The following MEGF11 variants were observed in gnomAD, a reference collection of about 807,000 sequenced individuals.
MEGF11 encodes the protein multiple EGF like domains 11, also known as multiple epidermal growth factor-like domains protein 11.
In MEGF11, 126 loss-of-function variants were observed where a neutral mutation model predicts 146.6. That is an observed-to-expected ratio of 0.86 (90% CI 0.74 to 1.00). The LOEUF (loss-of-function observed/expected upper bound fraction) is 1.00, where lower values mean the gene tolerates loss of function less well. Ranked by LOEUF, MEGF11 falls within the 50% of genes least tolerant of loss-of-function variation. The probability of loss-of-function intolerance (pLI) is 0.00; values close to 1 mark genes in which losing one functional copy is unlikely to be tolerated. For missense variants in MEGF11, 1,509 were observed against 1,521.2 expected (o/e 0.99, Z 0.13); for synonymous variants, 532 against 583.4 (o/e 0.91, Z 1.27).
intron 23 of MEGF11, among the ~76,000 whole-genome samples, chr15:65,908,426 A>C (rs575976429): frequency 6.6e-6 from 1 of 152,274 alleles, no homozygotes; most frequent in African/African-American, 2.4e-5. Flanking sequence ...ACATGTTCCC[A>C]TAATCAGGGC....
chr15:66,080,243 C>A (rs2085791131), intron 5 of MEGF11, among the ~76,000 whole-genome samples: 1 of 152,236 alleles, frequency 6.6e-6, no homozygotes, highest in African/African-American at 2.4e-5. Context: ...TCTGTCCTCG[C>A]ACTTCTGACC....
intron 5 of MEGF11, among the ~76,000 whole-genome samples, chr15:66,013,347 G>A (rs2082771017): frequency 6.6e-6 from 1 of 152,174 alleles, no homozygotes; most frequent in African/African-American, 2.4e-5. Context: ...TCTGGGCCTT[G>A]AGAATTCAGG....
At chr15:66,151,391 G>A (rs1218170321) in intron 1 of MEGF11, among the ~76,000 whole-genome samples, 1 of 152,210 alleles carries the variant, frequency 6.6e-6, no homozygotes, top group Admixed American at 6.5e-5. Context: ...CCCAAGGGAA[G>A]GTGGGGATGA....
At chr15:66,050,420 GC>G (rs2084403031) in intron 5 of MEGF11, among the ~76,000 whole-genome samples, 1 of 152,218 alleles carries the variant, frequency 6.6e-6, no homozygotes, top group African/African-American at 2.4e-5. Flanking sequence ...CCTGAAGCGA[GC>G]AGTGAGCCAT....
chr15:66,029,701 C>T (rs1322065248), intron 5 of MEGF11, among the ~76,000 whole-genome samples: 1 of 152,214 alleles, frequency 6.6e-6, no homozygotes, highest in East Asian at 1.9e-4. Flanking sequence ...CCATGAGTTA[C>T]CTCTGTCCTG....
intron 5 of MEGF11, among the ~76,000 whole-genome samples, chr15:65,993,098 G>C (rs562135061): frequency 6.6e-6 from 1 of 152,150 alleles, no homozygotes. Context: ...ACCTACCTGC[G>C]CTCCCGGCAG....
intron 1 of MEGF11, among the ~76,000 whole-genome samples, chr15:66,237,995 T>C (rs4776294): frequency 0.46 from 69,807 of 152,078 alleles, 16,975 homozygotes; most frequent in East Asian, 0.68. Context: ...CGATGCAATA[T>C]CTATACTGAA....
At chr15:65,991,661 A>T (rs2082047466) in intron 5 of MEGF11, among the ~76,000 whole-genome samples, 1 of 152,192 alleles carries the variant, frequency 6.6e-6, no homozygotes, top group Admixed American at 6.5e-5. Context: ...GTGAAAGGTG[A>T]AGTTGAGAGT....
At chr15:66,188,616 C>T (rs528043353) in intron 1 of MEGF11, among the ~76,000 whole-genome samples, 2 of 152,196 alleles carry the variant, frequency 1.3e-5, no homozygotes, top group African/African-American at 4.8e-5. Context: ...GGAGGGTCCA[C>T]CTTGCCTGAG....
At chr15:65,945,710 C>T (rs887102062) in intron 10 of MEGF11, among the ~76,000 whole-genome samples, 1 of 152,170 alleles carries the variant, frequency 6.6e-6, no homozygotes, top group African/African-American at 2.4e-5. Context: ...GGAACGGACA[C>T]CTCCCCTGAG....
chr15:65,984,299 G>C (rs1324857639), intron 5 of MEGF11, among the ~76,000 whole-genome samples: 1 of 152,082 alleles, frequency 6.6e-6, no homozygotes, highest in Non-Finnish European at 1.5e-5. Context: ...GCCAAGGTGG[G>C]TGGATTGCTT....
chr15:65,898,683 C>T, intron 25 of MEGF11, 45 bp downstream of exon 25: 1 of 1,606,906 alleles, frequency 6.2e-7, no homozygotes, highest in South Asian at 1.1e-5. Flanking sequence ...TCAAATGCTG[C>T]ACTATTGCCC....
intron 5 of MEGF11, among the ~76,000 whole-genome samples, chr15:66,070,505 T>C (rs987562370): frequency 1.3e-5 from 2 of 152,252 alleles, no homozygotes; most frequent in African/African-American, 4.8e-5. Flanking sequence ...GCAAAAATGA[T>C]GTTCAACAAT....
intron 1 of MEGF11, among the ~76,000 whole-genome samples, chr15:66,181,875 A>T (rs1270579681): frequency 1.3e-5 from 2 of 152,182 alleles, no homozygotes; most frequent in Admixed American, 6.5e-5. Context: ...AGTTCCATGA[A>T]TACTAATCTG....
chr15:66,252,676 C>A (rs1400129174), intron 1 of MEGF11, among the ~76,000 whole-genome samples: 1 of 152,238 alleles, frequency 6.6e-6, no homozygotes, highest in African/African-American at 2.4e-5. Context: ...CCTTGACGCC[C>A]TCGAGGAACG....
chr15:65,964,971 G>A lies in MEGF11; in HGVS notation c.1049C>T (p.Pro350Leu), dbSNP rs760645365. The A allele has an allele frequency of 2.4e-5, 38 of 1,570,252 alleles. No individual in the cohort carries two copies. The East Asian group carries it at 4.2e-4, about 18-fold the overall frequency. Residue 350 changes from proline to leucine, a missense_variant, in exon 9 of 26, where the codon CCG becomes CTG. Physicochemically the swap from Pro to Leu is moderately conservative, Grantham distance 98. Coordinates refer to ENST00000395614, the MANE Select transcript of MEGF11 (RefSeq NM_001385028.1). ...KGPRCQERLC[P>L]EGLHGPGCTL... Reference sequence around the variant, plus strand: ...GCAGCCTGGGCCATGCAGGCCCTCCGGGCACAGTCGCTCCTGGCAGCGTGG... The same window carrying A: ...GCAGCCTGGGCCATGCAGGCCCTCCAGGCACAGTCGCTCCTGGCAGCGTGG...
chr15:66,063,562 C>T (rs1462545638), intron 5 of MEGF11, among the ~76,000 whole-genome samples: 1 of 152,182 alleles, frequency 6.6e-6, no homozygotes. Context: ...GCTGCAGGAG[C>T]ACCTACTGAG....
At chr15:66,101,871 G>T (rs2086823961) in intron 4 of MEGF11, among the ~76,000 whole-genome samples, 1 of 152,118 alleles carries the variant, frequency 6.6e-6, no homozygotes, top group Non-Finnish European at 1.5e-5. Flanking sequence ...CTAGGCTCTG[G>T]CCTCCCCAGT....
intron 1 of MEGF11, among the ~76,000 whole-genome samples, chr15:66,173,819 C>A (rs2090324896): frequency 6.6e-6 from 1 of 152,164 alleles, no homozygotes; most frequent in Admixed American, 6.5e-5. Context: ...AGGGAAAAGG[C>A]CCTGACCACC....
Sources: allele counts gnomAD v4.1 joint callset (sites outside exome capture counted in the v4.1 genomes callset), GRCh38; gene constraint gnomAD v4.1.1; transcripts MANE v1.5; gene names NCBI Gene and HGNC (gene_info 2026-07-23, HGNC 2026-07-21).